NRXN3: variants seen among roughly 807,000 people sequenced by gnomAD.
NRXN3 encodes the protein neurexin III.
A neutral mutation model predicts 137.6 loss-of-function variants in NRXN3; 32 were observed. The ratio of observed to expected loss-of-function variants is 0.23; its 90% CI spans 0.18 to 0.31. NRXN3 has a LOEUF of 0.31. Among genes scored for constraint, NRXN3 ranks in the 10% least tolerant of loss-of-function variants. NRXN3 has a pLI of 1.00. For missense variants in NRXN3, 1,574 were observed against 2,062.5 expected, an observed-to-expected ratio of 0.76 and a Z score of 4.59; for synonymous variants, 798 against 784.5, an observed-to-expected ratio of 1.02 and a Z score of -0.29.
At chr14:79,101,997 A>G (rs1180541210) in intron 15 of NRXN3, among the ~76,000 whole-genome samples, 1 of 152,190 alleles carries the variant, frequency 6.6e-6, no homozygotes, top group East Asian at 1.9e-4. Flanking sequence ...ACAAGCCAAG[A>G]TATGCCAAGG....
intron 4 of NRXN3, among the ~76,000 whole-genome samples, chr14:78,631,646 A>T (rs1270883226): frequency 6.6e-6 from 1 of 152,184 alleles, no homozygotes; most frequent in African/African-American, 2.4e-5. Flanking sequence ...TGTTTCTTTT[A>T]ATCACAAATC....
At chr14:79,423,201 C>A (rs1318059721) in intron 15 of NRXN3, among the ~76,000 whole-genome samples, 1 of 152,134 alleles carries the variant, frequency 6.6e-6, no homozygotes, top group Admixed American at 6.5e-5. Context: ...AATGCTCTCC[C>A]ATGTGTAGCA....
intron 6 of NRXN3, among the ~76,000 whole-genome samples, chr14:78,685,168 C>T (rs752804490): frequency 2.0e-5 from 3 of 152,206 alleles, no homozygotes; most frequent in Non-Finnish European, 2.9e-5. Context: ...ATGTGACATC[C>T]TAGCCTAAGC....
At chr14:78,898,441 G>A (rs190917625) in intron 10 of NRXN3, among the ~76,000 whole-genome samples, 1 of 151,974 alleles carries the variant, frequency 6.6e-6, no homozygotes, top group African/African-American at 2.4e-5. Flanking sequence ...TGGATTTCTT[G>A]AATTTCATCT....
chr14:79,387,864 A>C (rs2094689343), intron 15 of NRXN3, among the ~76,000 whole-genome samples: 1 of 150,108 alleles, frequency 6.7e-6, no homozygotes, highest in Non-Finnish European at 1.5e-5. Flanking sequence ...ACAAAAACCA[A>C]ACACCGCATG....
rs534680958 is a variant in NRXN3, at chr14:78,980,308, C to A, written c.3143-7714C>A. Among the ~76,000 whole-genome samples, 7 of 152,318 alleles carry A rather than the reference C, an allele frequency of 4.6e-5. No homozygotes were observed. In the East Asian group the frequency reaches 1.4e-3, roughly 29 times the overall value. ...CTCCCTTACCCTCTGCCTGCTGCAC[C>A]CTACATTTCTCCACCCACTTCTTGT... is the stretch of plus-strand genomic sequence containing the variant. On this transcript the variant is annotated intron_variant, in intron 14 of 20. Coordinates refer to ENST00000335750, the MANE Select transcript of NRXN3 (RefSeq NM_001330195.2).
chr14:79,648,816 G>A (rs1437296377), intron 16 of NRXN3, among the ~76,000 whole-genome samples: 1 of 152,112 alleles, frequency 6.6e-6, no homozygotes, highest in Non-Finnish European at 1.5e-5. Context: ...AGTTTGGTGA[G>A]CAGAGTTGGC....
intron 15 of NRXN3, among the ~76,000 whole-genome samples, chr14:79,012,074 G>A (rs2099572215): frequency 1.3e-5 from 2 of 152,176 alleles, no homozygotes; most frequent in Non-Finnish European, 2.9e-5. Context: ...TGAGATAGTA[G>A]TAAGTGATAG....
chr14:78,933,125 A>G (rs2099326941), intron 10 of NRXN3, among the ~76,000 whole-genome samples: 1 of 152,208 alleles, frequency 6.6e-6, no homozygotes, highest in African/African-American at 2.4e-5. Flanking sequence ...TGAAATGATG[A>G]AGTTACTTCT....
intron 17 of NRXN3, among the ~76,000 whole-genome samples, chr14:79,686,651 G>T (rs1187051349): frequency 6.6e-6 from 1 of 151,956 alleles, no homozygotes; most frequent in African/African-American, 2.4e-5. Flanking sequence ...TAAATAAATT[G>T]CCCAAGTTCA....
intron 15 of NRXN3, among the ~76,000 whole-genome samples, chr14:79,389,637 G>A (rs1039561016): frequency 2.0e-5 from 3 of 152,212 alleles, no homozygotes; most frequent in African/African-American, 7.2e-5. Flanking sequence ...ATGCAATAAG[G>A]ACTTAATAAT....
At chr14:78,729,831 G>T (rs1367818392) in intron 8 of NRXN3, among the ~76,000 whole-genome samples, 1 of 152,020 alleles carries the variant, frequency 6.6e-6, no homozygotes, top group East Asian at 1.9e-4. Flanking sequence ...TGTATCCCCA[G>T]TGCCAAGGAA....
chr14:78,547,419 C>G (rs1453715981), intron 4 of NRXN3, among the ~76,000 whole-genome samples: 1 of 152,028 alleles, frequency 6.6e-6, no homozygotes, highest in African/African-American at 2.4e-5. Context: ...AGGATGGTCT[C>G]TATCTCCTGA....
At chr14:79,771,460 G>C (rs1211739071) in intron 19 of NRXN3, among the ~76,000 whole-genome samples, 1 of 151,958 alleles carries the variant, frequency 6.6e-6, no homozygotes, top group Admixed American at 6.6e-5. Context: ...GGGATGCAAG[G>C]CTGGTTCAAT....
In NRXN3 at chr14:78,192,765, G is replaced by A. The variant is rs74360507; in HGVS notation, c.-704+22091G>A. 2.1e-4 allele frequency among the ~76,000 whole-genome samples: 32 copies of A among 152,274 alleles called. No homozygotes were observed. The East Asian group carries it at 5.0e-3, about 24-fold the overall frequency. On this transcript the variant is annotated intron_variant, in intron 1 of 20. Coordinates refer to ENST00000335750, the MANE Select transcript of NRXN3 (RefSeq NM_001330195.2). ...CCAGAATGCTGGGGCAGACTTCAAC[G>A]CAAAAACTGCACAAAGAGGGCAGGG...
intron 4 of NRXN3, among the ~76,000 whole-genome samples, chr14:78,495,563 A>G (rs918216230): frequency 6.6e-6 from 1 of 152,200 alleles, no homozygotes; most frequent in Non-Finnish European, 1.5e-5. Context: ...AGCAAAAACT[A>G]CACATCTTAG....
intron 15 of NRXN3, among the ~76,000 whole-genome samples, chr14:79,064,067 T>C (rs1455490169): frequency 2.0e-5 from 3 of 152,160 alleles, no homozygotes; most frequent in Admixed American, 2.0e-4. Flanking sequence ...CCTAAATAAT[T>C]AAACGGTAAA....
intron 4 of NRXN3, among the ~76,000 whole-genome samples, chr14:78,461,772 C>T (rs952603793): frequency 1.3e-5 from 2 of 152,170 alleles, no homozygotes; most frequent in Admixed American, 1.3e-4. Flanking sequence ...TCACTATAAG[C>T]TTCGAGAATG....
intron 6 of NRXN3, among the ~76,000 whole-genome samples, chr14:78,653,292 T>G (rs2097760772): frequency 6.6e-6 from 1 of 152,170 alleles, no homozygotes; most frequent in African/African-American, 2.4e-5. Context: ...AGGTATAGAC[T>G]ATGCACTGTC....
Sources: allele counts gnomAD v4.1 joint callset (sites outside exome capture counted in the v4.1 genomes callset), GRCh38; gene constraint gnomAD v4.1.1; transcripts MANE v1.5; gene names NCBI Gene and HGNC (gene_info 2026-07-23, HGNC 2026-07-21).